CAST: variants seen among roughly 807,000 people sequenced by gnomAD.
CAST encodes the protein calpastatin, also known as MIR583 host.
Under a neutral mutation model 119.6 loss-of-function variants are expected in CAST, and 76 were observed. The ratio of observed to expected loss-of-function variants is 0.64; its 90% CI spans 0.53 to 0.77. The LOEUF (loss-of-function observed/expected upper bound fraction) is 0.77, where lower values mean the gene tolerates loss of function less well. Ranked by LOEUF, CAST falls within the 30% of genes least tolerant of loss-of-function variation. The pLI is 0.00. For synonymous variants in CAST, 319 were observed against 331.6 expected, an observed-to-expected ratio of 0.96 and a Z score of 0.41; for missense variants, 953 against 946.5, an observed-to-expected ratio of 1.01 and a Z score of -0.09.
intron 1 of CAST, among the ~76,000 whole-genome samples, chr5:96,559,113 A>G (rs1261038974): frequency 6.6e-6 from 1 of 152,140 alleles, no homozygotes; most frequent in African/African-American, 2.4e-5. Context: ...AAGCCACATG[A>G]TTATCTCAAT....
the CAST span, among the ~76,000 whole-genome samples, chr5:96,051,557 A>G: frequency 6.6e-6 from 1 of 152,204 alleles, no homozygotes; most frequent in African/African-American, 2.4e-5. Context: ...TTAAAGGAGC[A>G]TTTGCCCCTT....
the CAST span, among the ~76,000 whole-genome samples, chr5:96,428,960 AT>A: frequency 6.6e-6 from 1 of 152,172 alleles, no homozygotes; most frequent in Admixed American, 6.5e-5. Context: ...AACTTTAGAT[AT>A]ATATGTAATT....
Position 96,737,960 on chromosome 5 carries a change from G to T in CAST, c.798+13G>T. 6.9e-7 allele frequency: 1 copy of T among 1,445,708 alleles called. No individual in the cohort carries two copies. The highest frequency in any genetic ancestry group is 1.7e-5 in the Admixed American group (1 of 59,284). The allele number at this position is 1,445,708 out of a possible 1,614,324, so 89.6% of individuals were successfully genotyped here. A position where few individuals can be genotyped will look rare whatever the true frequency, so the allele number is the denominator to read the frequency against. On this transcript the variant is annotated intron_variant, in intron 11 of 31. Transcript: ENST00000675179. ...ACCAGAAGTTTCAGTATGTGATCAT[G>T]ATATCTGTAAAAATTCATACTCAGT...
At chr5:96,099,733 T>A in the CAST span, among the ~76,000 whole-genome samples, 1 of 152,296 alleles carries the variant, frequency 6.6e-6, no homozygotes, top group East Asian at 1.9e-4. Flanking sequence ...TTACCAGTAT[T>A]TTGTTGAGGA....
At chr5:96,565,229 C>T (rs1460283324) in intron 1 of CAST, among the ~76,000 whole-genome samples, 2 of 151,594 alleles carry the variant, frequency 1.3e-5, no homozygotes, top group Non-Finnish European at 2.9e-5. Context: ...CATGCCCATA[C>T]CTCAATTAAA....
the CAST span, among the ~76,000 whole-genome samples, chr5:96,044,008 T>C: frequency 6.6e-6 from 1 of 152,234 alleles, no homozygotes; most frequent in Non-Finnish European, 1.5e-5. Context: ...TTGGAAGGAA[T>C]AAATGTATAG....
chr5:96,181,519 A>G, the CAST span, among the ~76,000 whole-genome samples: 2 of 152,248 alleles, frequency 1.3e-5, no homozygotes, highest in Middle Eastern at 3.4e-3. Flanking sequence ...ACTGTTGGCC[A>G]TTTTTTCTCT....
chr5:96,353,825 C>T, the CAST span, among the ~76,000 whole-genome samples: 1 of 152,188 alleles, frequency 6.6e-6, no homozygotes, highest in African/African-American at 2.4e-5. Context: ...ATCATCTCAA[C>T]CTCCATAATT....
At chr5:96,643,635 G>A (rs2150203740) in intron 1 of CAST, among the ~76,000 whole-genome samples, 1 of 152,280 alleles carries the variant, frequency 6.6e-6, no homozygotes, top group African/African-American at 2.4e-5. Flanking sequence ...AGCACTTTGG[G>A]AGGCCGAGGT....
chr5:96,392,947 T>C, the CAST span: 2 of 1,589,582 alleles, frequency 1.3e-6, no homozygotes, highest in Non-Finnish European at 1.7e-6. Flanking sequence ...ACAGGCAAAA[T>C]CGCAGGGTAA....
At chr5:96,013,496 G>A in the CAST span, among the ~76,000 whole-genome samples, 1 of 151,932 alleles carries the variant, frequency 6.6e-6, no homozygotes, top group Admixed American at 6.6e-5. Flanking sequence ...TCTATTGATG[G>A]TGCTGGGTTT....
rs543682085 is a variant in CAST, at chr5:96,608,414, T to A, written c.61-67125T>A. Among the ~76,000 whole-genome samples, 169 of 152,292 alleles carry A rather than the reference T, an allele frequency of 1.1e-3. 1 individual carries two copies. Among genetic ancestry groups the A allele is most frequent in the South Asian group, 3.9e-3 (19 of 4,820 alleles). On this transcript the variant is annotated intron_variant, in intron 1 of 11. Coordinates refer to the CAST transcript ENST00000505143. ...AACAGTAATACCACCCCATGCCTCATAAGGTTTTTGTGGACTAGGTTTAAT... is the reference window on the plus strand; with the variant it reads ...AACAGTAATACCACCCCATGCCTCAAAAGGTTTTTGTGGACTAGGTTTAAT...
the CAST span, among the ~76,000 whole-genome samples, chr5:96,462,380 G>A: frequency 6.6e-6 from 1 of 151,996 alleles, no homozygotes; most frequent in South Asian, 2.1e-4. Context: ...CTGAGTATTA[G>A]TACAACAGGT....
chr5:96,169,082 A>G, the CAST span, among the ~76,000 whole-genome samples: 8 of 152,182 alleles, frequency 5.3e-5, no homozygotes, highest in African/African-American at 4.8e-5. Context: ...CACTAACCAT[A>G]CCTAGGAAGG....
At position 96,682,963 on chromosome 5, in the gene CAST, G is replaced by A. The variant is rs541806475; in HGVS notation, c.138+7362G>A. On this transcript the variant is annotated intron_variant, in intron 2 of 31. Coordinates refer to ENST00000675179, the MANE Select transcript of CAST (RefSeq NM_001750.7). The stretch of plus-strand genomic sequence containing the variant: ...GCAGCATGCTACTGCCACACCCTGC[G>A]CACAACCCATCCTCCCACACCCTGC... Among the ~76,000 whole-genome samples, 178 of 151,954 alleles carry A rather than the reference G, an allele frequency of 1.2e-3. 3 individuals carry two copies. The South Asian group carries it at 0.033, about 28-fold the overall frequency.
chr5:96,118,459 T>G, the CAST span, among the ~76,000 whole-genome samples: 24 of 152,016 alleles, frequency 1.6e-4, no homozygotes, highest in African/African-American at 5.3e-4. Flanking sequence ...TCACGTAGAG[T>G]TTGTGAATAA....
the CAST span, among the ~76,000 whole-genome samples, chr5:96,269,228 A>G: frequency 6.6e-6 from 1 of 152,340 alleles, no homozygotes; most frequent in African/African-American, 2.4e-5. Context: ...GAAAATCATT[A>G]TATAACGTGA....
At chr5:96,579,484 G>C (rs1746732954) in intron 1 of CAST, among the ~76,000 whole-genome samples, 1 of 152,136 alleles carries the variant, frequency 6.6e-6, no homozygotes, top group Non-Finnish European at 1.5e-5. Flanking sequence ...GTTTCAGAGG[G>C]ATATTTTCAG....
the CAST span, among the ~76,000 whole-genome samples, chr5:95,967,002 G>A: frequency 2.6e-5 from 4 of 152,136 alleles, no homozygotes; most frequent in East Asian, 3.8e-4. Context: ...ATTCAGTGTA[G>A]TGCAGAGTGC....
Sources: allele counts gnomAD v4.1 joint callset (sites outside exome capture counted in the v4.1 genomes callset), GRCh38; gene constraint gnomAD v4.1.1; transcripts MANE v1.5; gene names NCBI Gene and HGNC (gene_info 2026-07-23, HGNC 2026-07-21).